The following CEACAM8 variants were observed in gnomAD, a reference collection of about 807,000 sequenced individuals.
CEACAM8 encodes the protein cell adhesion molecule CEACAM8.
In CEACAM8, 31 loss-of-function variants were observed where a neutral mutation model predicts 33.4. The observed-to-expected ratio is 0.93, with a 90% confidence interval of 0.70 to 1.25. The LOEUF is 1.25. CEACAM8 is among the 50% of genes most tolerant of loss of function. The pLI is 0.00. For missense variants in CEACAM8, 388 were observed against 434.6 expected, an observed-to-expected ratio of 0.89 and a Z score of 0.95; for synonymous variants, 138 against 164.5, an observed-to-expected ratio of 0.84 and a Z score of 1.23.
At chr19:42,594,412 C>T (rs1012688622) in intron 1 of CEACAM8, among the ~76,000 whole-genome samples, 1 of 152,218 alleles carries the variant, frequency 6.6e-6, no homozygotes, top group Non-Finnish European at 1.5e-5. Flanking sequence ...CCTCTGCTTC[C>T]TGAGGCTTAT....
At chr19:42,589,969 C>T (rs372617582) in intron 2 of CEACAM8, among the ~76,000 whole-genome samples, 65 of 152,282 alleles carry the variant, frequency 4.3e-4, no homozygotes, top group African/African-American at 1.5e-3. Flanking sequence ...TGGGCAGCAG[C>T]GCTGGGTTGT....
chr19:42,589,283 G>A (rs2042390568), intron 3 of CEACAM8, among the ~76,000 whole-genome samples, 174 bp downstream of exon 3: 1 of 152,156 alleles, frequency 6.6e-6, no homozygotes, highest in Admixed American at 6.5e-5. Context: ...CTTATTCTTG[G>A]TCAAGGCTAG....
At chr19:42,594,712 G>T in intron 1 of CEACAM8, 53 bp downstream of exon 1, 1 of 1,460,108 alleles carries the variant, frequency 6.8e-7, no homozygotes, top group Non-Finnish European at 9.6e-7. Context: ...GGAGACCCCA[G>T]CCAGTCACTG....
intron 4 of CEACAM8, among the ~76,000 whole-genome samples, chr19:42,585,479 C>T (rs906814773): frequency 6.6e-6 from 1 of 151,984 alleles, no homozygotes; most frequent in African/African-American, 2.4e-5. Context: ...GAAACACACA[C>T]AAAAAATCTG....
rs773005464 is a variant in CEACAM8, at chr19:42,588,840, G to T, written c.902C>A (p.Thr301Asn). Residue 301 changes from threonine to asparagine, a missense_variant, in exon 4 of 6, where the codon ACC becomes AAC. Coordinates refer to ENST00000244336, the MANE Select transcript of CEACAM8 (RefSeq NM_001816.4). ...TKNSGSYACH[T>N]TNSATGRNRT... ...GTTGCGGCCAGTGGCTGAGTTAGTG[G>T]TGTGGCAGGCATAGGATCCGCTGTT... The T allele has an allele frequency of 6.2e-7, 1 of 1,614,230 alleles. No individual in the cohort carries two copies. Among genetic ancestry groups the T allele is most frequent in the South Asian group, 1.1e-5 (1 of 91,082 alleles).
At chr19:42,590,493 T>A (rs542150421) in intron 2 of CEACAM8, among the ~76,000 whole-genome samples, 1 of 152,224 alleles carries the variant, frequency 6.6e-6, no homozygotes, top group Admixed American at 6.5e-5. Flanking sequence ...GAGCTGTGGA[T>A]CCTCCCATAA....
chr19:42,582,433 T>G (rs1766381532), intron 5 of CEACAM8, among the ~76,000 whole-genome samples: 1 of 152,180 alleles, frequency 6.6e-6, no homozygotes, highest in Non-Finnish European at 1.5e-5. Flanking sequence ...GTATCTTTCA[T>G]GAACACATGA....
At chr19:42,593,493 G>C in intron 2 of CEACAM8, 48 bp downstream of exon 2, 1 of 1,532,424 alleles carries the variant, frequency 6.5e-7, no homozygotes, top group Non-Finnish European at 8.8e-7. Context: ...CTGTGTGTGG[G>C]AAGTAGAACT....
chr19:42,593,208 C>T (rs2042477607), intron 2 of CEACAM8, among the ~76,000 whole-genome samples: 1 of 152,214 alleles, frequency 6.6e-6, no homozygotes, highest in Non-Finnish European at 1.5e-5. Context: ...GGGAGCCCCT[C>T]AGGTCAGGCC....
At chr19:42,587,618 T>C (rs1248549374) in intron 4 of CEACAM8, among the ~76,000 whole-genome samples, 1 of 152,194 alleles carries the variant, frequency 6.6e-6, no homozygotes, top group East Asian at 1.9e-4. Context: ...TACTCTTTAT[T>C]GGGCAGAGAA....
intron 4 of CEACAM8, among the ~76,000 whole-genome samples, chr19:42,584,163 CT>C (rs963752654): frequency 7.1e-4 from 108 of 151,390 alleles, no homozygotes; most frequent in Middle Eastern, 3.4e-3. Context: ...CCTGTGTTGC[CT>C]TTTTTTTATA....
intron 4 of CEACAM8, among the ~76,000 whole-genome samples, chr19:42,584,708 T>C (rs1266183662): frequency 6.6e-6 from 1 of 152,198 alleles, no homozygotes; most frequent in East Asian, 1.9e-4. Flanking sequence ...AAGAATCTTG[T>C]GCAAGAAATT....
intron 5 of CEACAM8, among the ~76,000 whole-genome samples, chr19:42,581,663 G>A (rs1309984386): frequency 2.6e-5 from 4 of 151,042 alleles, no homozygotes; most frequent in African/African-American, 7.3e-5. Flanking sequence ...AGGCCGAGGC[G>A]GGTGGATCAC....
intron 5 of CEACAM8, 84 bp downstream of exon 5, chr19:42,583,122 G>A (rs927049806): frequency 1.5e-6 from 1 of 684,462 alleles, no homozygotes; most frequent in Non-Finnish European, 2.6e-6. Flanking sequence ...AGGAGGAGGA[G>A]ATCCATTCCC....
At chr19:42,583,375 A>T in intron 4 of CEACAM8, 38 bp from the exon 5 acceptor site, 1 of 1,445,236 alleles carries the variant, frequency 6.9e-7, no homozygotes, top group Middle Eastern at 1.8e-4. Context: ...AATGAAGTTG[A>T]TGCCATTTTA....
intron 2 of CEACAM8, among the ~76,000 whole-genome samples, chr19:42,592,829 C>G (rs1277824346): frequency 1.3e-5 from 2 of 152,166 alleles, no homozygotes; most frequent in East Asian, 3.9e-4. Flanking sequence ...TTAGGAACAT[C>G]TTTCTTCTAT....
In CEACAM8 at chr19:42,593,619, C is replaced by T. The variant is rs1423882973; in HGVS notation, c.346G>A (p.Asp116Asn). Residue 116 changes from aspartate to asparagine, a missense_variant, in exon 2 of 6, where the codon GAC (aspartate) becomes AAC (asparagine). Transcript: ENST00000244336. Reference sequence around the variant, plus strand: ...ACTTGTAGGGTGTAGGATCCTGTGTCATTTCTGGTGACGTTCCGCATCAGC... The same window carrying T: ...ACTTGTAGGGTGTAGGATCCTGTGTTATTTCTGGTGACGTTCCGCATCAGC... Reference protein sequence around the residue: ...SLLMRNVTRNDTGSYTLQVIK... With the variant: ...SLLMRNVTRNNTGSYTLQVIK... The T allele has an allele frequency of 1.9e-6, 3 of 1,613,136 alleles. No individual in the cohort carries two copies. In the South Asian group the frequency reaches 3.3e-5, roughly 18 times the overall value.
At chr19:42,593,396 C>T in intron 2 of CEACAM8, 145 bp downstream of exon 2, 1 of 1,029,972 alleles carries the variant, frequency 9.7e-7, no homozygotes, top group Non-Finnish European at 1.4e-6. Context: ...GTCTGTCTCC[C>T]CTGAGTGTGT....
chr19:42,584,105 CT>C (rs986551099), intron 4 of CEACAM8, among the ~76,000 whole-genome samples: 2 of 152,070 alleles, frequency 1.3e-5, no homozygotes, highest in African/African-American at 2.4e-5. Context: ...TTGCACTTAG[CT>C]TTTTTTCTCT....
Sources: gnomAD v4.1 joint callset for allele counts (sites outside exome capture counted in the v4.1 genomes callset) on GRCh38, gnomAD v4.1.1 for gene constraint, MANE v1.5 for transcripts, NCBI Gene and HGNC (gene_info 2026-07-23, HGNC 2026-07-21) for gene names.